The following FSTL4 variants were observed in gnomAD, a reference collection of about 807,000 sequenced individuals.
The protein encoded by FSTL4 is follistatin like 4, also known as follistatin-related protein 4.
A neutral mutation model predicts 78.2 loss-of-function variants in FSTL4; 28 were observed. The observed-to-expected ratio is 0.36, with a 90% CI of 0.27 to 0.49. The LOEUF (loss-of-function observed/expected upper bound fraction) is 0.49, where lower values mean the gene tolerates loss of function less well. Among genes scored for constraint, FSTL4 ranks in the 20% least tolerant of loss-of-function variants. The probability of loss-of-function intolerance (pLI) is 0.98; values close to 1 mark genes in which losing one functional copy is unlikely to be tolerated. For synonymous variants in FSTL4, 422 were observed against 440.5 expected (o/e 0.96, Z 0.53); for missense variants, 922 against 1,084.9 (o/e 0.85, Z 2.11).
the FSTL4 span, among the ~76,000 whole-genome samples, chr5:133,675,754 T>C: frequency 1.3e-5 from 2 of 152,116 alleles, no homozygotes; most frequent in East Asian, 1.9e-4. Context: ...GGATTCACAG[T>C]ACACAAAAAA....
At chr5:133,750,912 T>C in the FSTL4 span, among the ~76,000 whole-genome samples, 1 of 151,834 alleles carries the variant, frequency 6.6e-6, no homozygotes, top group African/African-American at 2.4e-5. Flanking sequence ...TGAGAACGCA[T>C]CCCTCCCTCT....
chr5:133,817,173 C>T, the FSTL4 span, among the ~76,000 whole-genome samples: 2 of 152,250 alleles, frequency 1.3e-5, no homozygotes, highest in East Asian at 1.9e-4. Flanking sequence ...TAAATCCTCG[C>T]GACAGCCCTG....
intron 6 of FSTL4, among the ~76,000 whole-genome samples, chr5:133,292,759 G>GA (rs1292911787): frequency 1.4e-4 from 20 of 147,064 alleles, no homozygotes; most frequent in Non-Finnish European, 1.8e-4. Flanking sequence ...CCTCACAAGG[G>GA]AAAAAAAAAA....
the FSTL4 span, among the ~76,000 whole-genome samples, chr5:133,681,466 C>T: frequency 6.6e-6 from 1 of 152,146 alleles, no homozygotes; most frequent in African/African-American, 2.4e-5. Flanking sequence ...AGTCTGTGAT[C>T]CAGTCCTAGA....
intron 3 of FSTL4, among the ~76,000 whole-genome samples, chr5:133,424,405 T>G (rs1019718308): frequency 6.6e-6 from 1 of 152,186 alleles, no homozygotes; most frequent in African/African-American, 2.4e-5. Context: ...GGGACTGTTT[T>G]GGAGATGGGA....
At chr5:133,396,856 GTTTAA>G (rs1285299213) in intron 4 of FSTL4, among the ~76,000 whole-genome samples, 2 of 152,174 alleles carry the variant, frequency 1.3e-5, no homozygotes, top group African/African-American at 4.8e-5. Context: ...CCTGTAGTAT[GTTTAA>G]TTTGTTTCCA....
intron 7 of FSTL4, among the ~76,000 whole-genome samples, chr5:133,241,278 C>A (rs972047547): frequency 1.1e-4 from 16 of 152,178 alleles, no homozygotes; most frequent in South Asian, 8.3e-4. Context: ...AATTGTTGAA[C>A]CTGAGGGTGG....
At chr5:133,760,983 C>T in the FSTL4 span, among the ~76,000 whole-genome samples, 1 of 152,104 alleles carries the variant, frequency 6.6e-6, no homozygotes, top group Admixed American at 6.6e-5. Flanking sequence ...CCCAGCATGG[C>T]GGAAGCTCCT....
chr5:133,343,268 T>C lies in FSTL4; in HGVS notation c.410-26616A>G, dbSNP rs1233931934. 2.0e-5 allele frequency among the ~76,000 whole-genome samples: 3 copies of C among 152,226 alleles called. No homozygotes were observed. The East Asian group carries it at 5.8e-4, about 29-fold the overall frequency. ...ACAGAGGGAGGGTTGACGCTAGCTC[T>C]GATGTGAAATGTCTCCTTAGGGCCA... On this transcript the variant is annotated intron_variant, in intron 4 of 15. Transcript: ENST00000265342.
intron 2 of FSTL4, among the ~76,000 whole-genome samples, chr5:133,601,910 C>A (rs1360645288): frequency 1.3e-5 from 2 of 151,800 alleles, no homozygotes; most frequent in Non-Finnish European, 1.5e-5. Context: ...TCTTGAACTC[C>A]TGGGCTCAAG....
the FSTL4 span, among the ~76,000 whole-genome samples, chr5:133,726,233 G>T: frequency 2.0e-5 from 3 of 152,164 alleles, no homozygotes; most frequent in African/African-American, 7.2e-5. Flanking sequence ...AAAAGTGGTT[G>T]CATGACTCAA....
chr5:133,359,448 G>C (rs114477795), intron 4 of FSTL4, among the ~76,000 whole-genome samples: 1,964 of 152,316 alleles, frequency 0.013, 25 homozygotes, highest in Non-Finnish European at 0.016. Context: ...AGACACAAAA[G>C]AGTACTTACA....
At chr5:133,492,275 C>T (rs533592575) in intron 3 of FSTL4, among the ~76,000 whole-genome samples, 8 of 152,158 alleles carry the variant, frequency 5.3e-5, no homozygotes, top group Admixed American at 2.6e-4. Context: ...TGCTTTTCTT[C>T]AGTCAACACT....
the FSTL4 span, among the ~76,000 whole-genome samples, chr5:133,827,969 G>T: frequency 2.0e-5 from 3 of 152,130 alleles, no homozygotes; most frequent in Non-Finnish European, 4.4e-5. Context: ...CTGAACACTT[G>T]GTATCTCCTG....
chr5:133,352,355 C>G (rs1162942916), intron 4 of FSTL4, among the ~76,000 whole-genome samples: 1 of 136,792 alleles, frequency 7.3e-6, no homozygotes, highest in Non-Finnish European at 1.6e-5. Flanking sequence ...CATATATATA[C>G]ACACACATAT....
chr5:133,838,221 T>G, the FSTL4 span, among the ~76,000 whole-genome samples: 1 of 152,362 alleles, frequency 6.6e-6, no homozygotes, highest in East Asian at 1.9e-4. Context: ...CTTGGCCCTT[T>G]GAGCCAAGCT....
intron 6 of FSTL4, among the ~76,000 whole-genome samples, chr5:133,292,835 T>C (rs1300487658): frequency 2.6e-5 from 4 of 152,126 alleles, no homozygotes; most frequent in Non-Finnish European, 5.9e-5. Context: ...ATCTTTAATG[T>C]TTTCATTCCG....
At chr5:133,206,559 A>G (rs1750511958) in intron 14 of FSTL4, among the ~76,000 whole-genome samples, 1 of 152,052 alleles carries the variant, frequency 6.6e-6, no homozygotes. Context: ...ACAGGGTTTC[A>G]CCATGTTGGC....
At chr5:133,268,788 C>T (rs1157689678) in intron 6 of FSTL4, among the ~76,000 whole-genome samples, 5 of 152,146 alleles carry the variant, frequency 3.3e-5, no homozygotes, top group East Asian at 1.9e-4. Context: ...CTGTGACCAA[C>T]GACGCCAATT....
Sources: gnomAD v4.1 joint callset for allele counts (sites outside exome capture counted in the v4.1 genomes callset) on GRCh38, gnomAD v4.1.1 for gene constraint, MANE v1.5 for transcripts, NCBI Gene and HGNC (gene_info 2026-07-23, HGNC 2026-07-21) for gene names.